The following AFTPH variants were observed in gnomAD, a reference collection of about 807,000 sequenced individuals.
AFTPH encodes aftiphilin.
Under a neutral mutation model 72.5 loss-of-function variants are expected in AFTPH, and 7 were observed. That is an observed-to-expected ratio of 0.10 (90% CI 0.05 to 0.18). The LOEUF is 0.18. AFTPH is among the 10% of genes least tolerant of loss of function. The pLI, the probability that AFTPH is intolerant of heterozygous loss-of-function variation, is 1.00. For missense variants in AFTPH, 979 were observed against 1,060.5 expected (o/e 0.92, Z 1.07); for synonymous variants, 337 against 370.1 (o/e 0.91, Z 1.03).
intron 1 of AFTPH, among the ~76,000 whole-genome samples, chr2:64,547,719 C>T (rs1054592451): frequency 7.7e-6 from 1 of 130,312 alleles, no homozygotes; most frequent in African/African-American, 3.7e-5. Flanking sequence ...AGTAGCAGCC[C>T]TTTCAAGGTA....
chr2:64,557,539 G>A (rs1232876154), intron 2 of AFTPH, among the ~76,000 whole-genome samples: 3 of 152,176 alleles, frequency 2.0e-5, no homozygotes, highest in African/African-American at 7.2e-5. Context: ...TGGAGTGCAG[G>A]TGCAATCTCG....
chr2:64,556,542 G>A (rs1671387219), intron 2 of AFTPH, among the ~76,000 whole-genome samples: 1 of 152,246 alleles, frequency 6.6e-6, no homozygotes, highest in Non-Finnish European at 1.5e-5. Flanking sequence ...TCAGACAAAT[G>A]GTATAGTTGG....
intron 2 of AFTPH, among the ~76,000 whole-genome samples, chr2:64,555,850 T>G (rs766724272): frequency 6.6e-6 from 1 of 152,196 alleles, no homozygotes; most frequent in Non-Finnish European, 1.5e-5. Flanking sequence ...CGGCTGGCAC[T>G]TTATTTCTTG....
chr2:64,575,133 C>T (rs566685918), intron 6 of AFTPH, among the ~76,000 whole-genome samples: 202 of 152,182 alleles, frequency 1.3e-3, no homozygotes, highest in African/African-American at 4.4e-3. Flanking sequence ...ATTTTTTCCT[C>T]TAGCTGATTT....
At chr2:64,553,812 C>CT (rs34604319) in intron 2 of AFTPH, among the ~76,000 whole-genome samples, 53,185 of 146,080 alleles carry the variant, frequency 0.36, 9,465 homozygotes, top group South Asian at 0.41. Flanking sequence ...AGATTTGGAT[C>CT]TTTTTTTTTT....
In AFTPH at chr2:64,581,417, T is replaced by C. The variant is rs1009816112; in HGVS notation, c.2455+1871T>C. 85 of 653,606 alleles carry C rather than the reference T, an allele frequency of 1.3e-4. No homozygotes were observed. The African/African-American group carries it at 1.5e-3, about 11-fold the overall frequency. 40.5% of individuals were successfully genotyped at this position (653,606 alleles called of 1,614,324 possible). A position where few individuals can be genotyped will look rare whatever the true frequency, so the allele number is the denominator to read the frequency against. On this transcript the variant is annotated intron_variant, in intron 7 of 8. Transcript: ENST00000238856. ...ACTTTTCTTTCATCTGTTGTTATTT[T>C]CTAGTATCTGATTACAAAAAAATGA...
At chr2:64,553,730 T>C (rs546281488) in intron 2 of AFTPH, among the ~76,000 whole-genome samples, 102 of 151,454 alleles carry the variant, frequency 6.7e-4, no homozygotes, top group Non-Finnish European at 1.0e-3. Flanking sequence ...CCCACACTTA[T>C]TACCTAATTG....
intron 2 of AFTPH, among the ~76,000 whole-genome samples, chr2:64,558,414 T>G (rs945352802): frequency 2.0e-5 from 3 of 152,204 alleles, no homozygotes; most frequent in South Asian, 4.1e-4. Context: ...GAAACATCAC[T>G]GAACCTCTAA....
At position 64,533,424 on chromosome 2, in the gene AFTPH, A is replaced by C. The variant is rs554529845; in HGVS notation, c.-33+8812A>C. ...CCTCCAAAAAACAAACAAACAAACA[A>C]AAATCTAAGGAAAACTTACATAATT... On this transcript the variant is annotated intron_variant, in intron 1 of 8. Coordinates refer to ENST00000238856, the Ensembl canonical transcript of AFTPH. Among the ~76,000 whole-genome samples the C allele has an allele frequency of 2.2e-4, 34 of 152,280 alleles. 1 individual carries two copies. In the South Asian group the frequency reaches 7.1e-3, roughly 32 times the overall value.
intron 1 of AFTPH, among the ~76,000 whole-genome samples, chr2:64,525,201 A>G (rs1572924315): frequency 6.6e-6 from 1 of 152,166 alleles, no homozygotes; most frequent in African/African-American, 2.4e-5. Flanking sequence ...GCACTCTTCA[A>G]GAAATTATCT....
intron 3 of AFTPH, 58 bp from the exon 4 acceptor site, chr2:64,569,034 C>T (rs1672260235): frequency 6.3e-7 from 1 of 1,599,202 alleles, no homozygotes; most frequent in South Asian, 1.1e-5. Flanking sequence ...ATAAGTAGAA[C>T]TCATGGTGAA....
At chr2:64,553,467 T>C (rs1327729922) in intron 2 of AFTPH, 58 bp downstream of exon 2, 1 of 1,483,554 alleles carries the variant, frequency 6.7e-7, no homozygotes, top group Non-Finnish European at 8.9e-7. Context: ...AGGCTTCTAA[T>C]TTCAGCTTTT....
At chr2:64,581,413 A>T (rs977255052) in intron 7 of AFTPH, 140 bp downstream of exon 8, 1 of 654,974 alleles carries the variant, frequency 1.5e-6, no homozygotes. Flanking sequence ...ATCTGTTGTT[A>T]TTTTCTAGTA....
intron 1 of AFTPH, among the ~76,000 whole-genome samples, chr2:64,545,623 A>G (rs1465621141): frequency 2.3e-5 from 3 of 132,438 alleles, no homozygotes; most frequent in Non-Finnish European, 4.7e-5. Flanking sequence ...GACCTGACCT[A>G]TTGTTACAGG....
intron 1 of AFTPH, among the ~76,000 whole-genome samples, chr2:64,545,095 C>T (rs1341830881): frequency 1.3e-5 from 2 of 151,592 alleles, no homozygotes; most frequent in Admixed American, 6.6e-5. Flanking sequence ...GGTTGTGAAC[C>T]AATAAATTAT....
At chr2:64,552,767 T>G in exon 2 of AFTPH, 1 of 1,614,100 alleles carries the variant, frequency 6.2e-7, no homozygotes, top group Non-Finnish European at 8.5e-7. Context: ...ATGAAGATGA[T>G]TTTGGTGATT....
chr2:64,551,705 C>T (rs767127191), exon 2 of AFTPH: 2 of 1,613,862 alleles, frequency 1.2e-6, no homozygotes, highest in South Asian at 2.2e-5. Flanking sequence ...ATGTAGATAG[C>T]CTTACAAGCT....
At chr2:64,531,075 A>AC (rs1437695143) in intron 1 of AFTPH, among the ~76,000 whole-genome samples, 1 of 151,450 alleles carries the variant, frequency 6.6e-6, no homozygotes, top group East Asian at 1.9e-4. Flanking sequence ...AAAAAAAAAA[A>AC]AAAAAACACC....
intron 6 of AFTPH, among the ~76,000 whole-genome samples, chr2:64,574,390 TCACAA>T (rs142157432): frequency 0.018 from 2,724 of 152,210 alleles, 67 homozygotes; most frequent in African/African-American, 0.063. Flanking sequence ...CCCTTAGAGA[TCACAA>T]CACACATTAA....
Sources: allele counts gnomAD v4.1 joint callset (sites outside exome capture counted in the v4.1 genomes callset), GRCh38; gene constraint gnomAD v4.1.1; transcripts MANE v1.5; gene names NCBI Gene and HGNC (gene_info 2026-07-23, HGNC 2026-07-21).